The following PTN variants were observed in gnomAD, a reference collection of about 807,000 sequenced individuals.
PTN encodes pleiotrophin, also known as heparin affin regulatory protein.
A neutral mutation model predicts 24.1 loss-of-function variants in PTN; 18 were observed. The ratio of observed to expected loss-of-function variants is 0.75; its 90% CI spans 0.52 to 1.11. The LOEUF (loss-of-function observed/expected upper bound fraction) is 1.11. Ranked by LOEUF, PTN falls within the 50% of genes least tolerant of loss-of-function variation. The pLI, the probability that PTN is intolerant of heterozygous loss-of-function variation, is 0.00. For synonymous variants in PTN, 78 were observed against 68.6 expected, an observed-to-expected ratio of 1.14 and a Z score of -0.67; for missense variants, 163 against 198.8, an observed-to-expected ratio of 0.82 and a Z score of 1.08.
intron 1 of PTN, among the ~76,000 whole-genome samples, chr7:137,294,236 C>T (rs1809684350): frequency 6.6e-6 from 1 of 151,972 alleles, no homozygotes; most frequent in African/African-American, 2.4e-5. Flanking sequence ...AGCCATAGCT[C>T]GGGTGTTGAA....
intron 1 of PTN, among the ~76,000 whole-genome samples, chr7:137,305,088 G>A (rs147101553): frequency 4.2e-4 from 64 of 152,040 alleles, no homozygotes; most frequent in African/African-American, 1.3e-3. Flanking sequence ...ACGTTCAACC[G>A]ACTTGGTAAC....
intron 1 of PTN, among the ~76,000 whole-genome samples, chr7:137,269,849 T>C (rs1209125992): frequency 2.0e-5 from 3 of 151,904 alleles, no homozygotes; most frequent in Non-Finnish European, 4.4e-5. Context: ...GCCAGGGTGG[T>C]CTCAATCTCC....
chr7:137,256,050 A>G (rs1360658607), intron 1 of PTN, among the ~76,000 whole-genome samples: 1 of 152,192 alleles, frequency 6.6e-6, no homozygotes, highest in Non-Finnish European at 1.5e-5. Context: ...CGTTTCATGT[A>G]TATAAGGGGT....
At chr7:137,329,421 T>C (rs1810314044) in intron 1 of PTN, among the ~76,000 whole-genome samples, 1 of 152,096 alleles carries the variant, frequency 6.6e-6, no homozygotes, top group South Asian at 2.1e-4. Context: ...CTTATTGCCA[T>C]GGGTCCTCAA....
intron 1 of PTN, among the ~76,000 whole-genome samples, chr7:137,343,153 CAGCTGGTAGCTGGAACACGGTCCAAAT>C (rs1810562244): frequency 6.6e-6 from 1 of 152,214 alleles, no homozygotes; most frequent in South Asian, 2.1e-4. Flanking sequence ...TCTTGCTCTC[CAGCTGGTAGCTGGAACACGGTCCAAAT>C]ACATGCTTAA....
chr7:137,328,806 A>G (rs1160800555), intron 1 of PTN, among the ~76,000 whole-genome samples: 3 of 152,184 alleles, frequency 2.0e-5, no homozygotes, highest in Non-Finnish European at 4.4e-5. Context: ...GCAATCAAGG[A>G]GGGTAATCTA....
At chr7:137,300,694 G>A (rs1461074618) in intron 1 of PTN, among the ~76,000 whole-genome samples, 1 of 151,716 alleles carries the variant, frequency 6.6e-6, no homozygotes, top group Admixed American at 6.6e-5. Context: ...ACAATATAGG[G>A]GTTTGCAGAA....
chr7:137,230,903 TTGTC>T (rs1808416102), intron 4 of PTN, among the ~76,000 whole-genome samples: 1 of 151,836 alleles, frequency 6.6e-6, no homozygotes, highest in African/African-American at 2.4e-5. Flanking sequence ...TCTTTTCTCT[TTGTC>T]TGTTTTTCTC....
intron 1 of PTN, among the ~76,000 whole-genome samples, chr7:137,323,673 A>G (rs563937949): frequency 1.8e-4 from 28 of 152,214 alleles, no homozygotes; most frequent in Non-Finnish European, 4.0e-4. Context: ...ACAAAATGTT[A>G]TAATTGTGTA....
chr7:137,249,441 A>C (rs901184449), intron 4 of PTN, among the ~76,000 whole-genome samples: 1 of 152,132 alleles, frequency 6.6e-6, no homozygotes, highest in Non-Finnish European at 1.5e-5. Context: ...TGATTGGGTT[A>C]GTCTGTGCTA....
chr7:137,250,064 T>C (rs1808796656), intron 4 of PTN, among the ~76,000 whole-genome samples: 1 of 152,056 alleles, frequency 6.6e-6, no homozygotes, highest in Admixed American at 6.6e-5. Context: ...TTTCTGAATC[T>C]CTCCTTACAA....
rs753374720 is a variant in PTN at position 137,283,952 on chromosome 7, A to ATTTTTTTT, written c.-1-28986_-1-28979dup. Reference sequence around the variant, plus strand: ...AAATGAATGTGAAAATGAGCATCAGATTTTTTTTTTTTTTTTTTTTTTTTT... The same window carrying ATTTTTTTT: ...AAATGAATGTGAAAATGAGCATCAGATTTTTTTTTTTTTTTTTTTTTTTTTTTTTTTTT... On this transcript the variant is annotated intron_variant, in intron 1 of 4. Transcript: ENST00000348225. Among the ~76,000 whole-genome samples the ATTTTTTTT allele has an allele frequency of 2.7e-3, 131 of 48,916 alleles. 31 individuals carry two copies. Among genetic ancestry groups the ATTTTTTTT allele is most frequent in the East Asian group, 0.01 (13 of 1,290 alleles). The allele number at this position is 48,916 out of a possible 152,430, so 32.1% of individuals were successfully genotyped here.
intron 1 of PTN, among the ~76,000 whole-genome samples, chr7:137,314,597 C>CTTTT (rs34363631): frequency 3.0e-5 from 4 of 131,844 alleles, no homozygotes; most frequent in East Asian, 2.2e-4. Flanking sequence ...TTACATGATG[C>CTTTT]TTTTTTTTTT....
intron 1 of PTN, among the ~76,000 whole-genome samples, chr7:137,262,086 C>T (rs1012812394): frequency 9.9e-5 from 15 of 152,072 alleles, no homozygotes; most frequent in Admixed American, 2.0e-4. Flanking sequence ...ATTTTACTTT[C>T]CCTTATAAAT....
At chr7:137,315,439 C>T (rs546493944) in intron 1 of PTN, among the ~76,000 whole-genome samples, 1 of 152,220 alleles carries the variant, frequency 6.6e-6, no homozygotes, top group East Asian at 1.9e-4. Context: ...GGAATCTCAT[C>T]TGTTGTAACC....
intron 2 of PTN, 81 bp downstream of exon 2, chr7:137,254,778 A>C: frequency 1.1e-6 from 1 of 902,186 alleles, no homozygotes; most frequent in Non-Finnish European, 1.6e-6. Context: ...GCAGAGTAGA[A>C]GAGAGGAAGG....
intron 1 of PTN, among the ~76,000 whole-genome samples, chr7:137,300,618 A>G (rs1453172133): frequency 1.3e-5 from 2 of 151,904 alleles, no homozygotes; most frequent in Non-Finnish European, 2.9e-5. Context: ...GATATTAGCT[A>G]ATTTGATAGC....
At chr7:137,296,812 G>A (rs1261392058) in intron 1 of PTN, among the ~76,000 whole-genome samples, 5 of 152,002 alleles carry the variant, frequency 3.3e-5, no homozygotes, top group African/African-American at 7.2e-5. Flanking sequence ...TCTGAGGATC[G>A]GAGCTGATCC....
At position 137,311,885 on chromosome 7, in the gene PTN, G is replaced by A. The variant is rs534255982; in HGVS notation, c.-2+31554C>T. On this transcript the variant is annotated intron_variant, in intron 1 of 4. Transcript: ENST00000348225. The stretch of plus-strand genomic sequence containing the variant: ...AAAATATGACACAGAGACACAAAGC[G>A]ACCACATGCTGTTGGAAAATGGTGC... Among the ~76,000 whole-genome samples the A allele has an allele frequency of 5.8e-5, 8 of 137,496 alleles. 1 individual carries two copies. Among genetic ancestry groups the A allele is most frequent in the African/African-American group, 2.2e-4 (6 of 27,808 alleles). The allele number at this position is 137,496 out of a possible 152,430, so 90.2% of individuals were successfully genotyped here.
Sources: gnomAD v4.1 joint callset for allele counts (sites outside exome capture counted in the v4.1 genomes callset) on GRCh38, gnomAD v4.1.1 for gene constraint, MANE v1.5 for transcripts, NCBI Gene and HGNC (gene_info 2026-07-23, HGNC 2026-07-21) for gene names.